RASGRF2: variants seen among roughly 807,000 people sequenced by gnomAD.
RASGRF2 encodes the protein Ras protein specific guanine nucleotide releasing factor 2, also known as ras-specific guanine nucleotide-releasing factor 2.
Under a neutral mutation model 151.0 loss-of-function variants are expected in RASGRF2, and 76 were observed. The ratio of observed to expected loss-of-function variants is 0.50; its 90% confidence interval spans 0.42 to 0.61. RASGRF2 has a LOEUF of 0.61. RASGRF2 is among the 20% of genes least tolerant of loss of function. The pLI is 0.00. For synonymous variants in RASGRF2, 504 were observed against 566.5 expected (o/e 0.89, Z 1.57); for missense variants, 1,148 against 1,564.6 (o/e 0.73, Z 4.49).
intron 18 of RASGRF2, among the ~76,000 whole-genome samples, chr5:81,201,064 G>C (rs1383182366): frequency 6.6e-6 from 1 of 152,104 alleles, no homozygotes; most frequent in Non-Finnish European, 1.5e-5. Context: ...CCCAATGGCT[G>C]TTCCTAGAGG....
At position 81,034,812 on chromosome 5, in the gene RASGRF2, G is replaced by GGC. The variant is rs1554087641; in HGVS notation, c.289-8064_289-8063insCG. Among the ~76,000 whole-genome samples, 29 of 131,208 alleles carry GGC rather than the reference G, an allele frequency of 2.2e-4. 3 individuals carry two copies. In the South Asian group the frequency reaches 7.0e-3, roughly 32 times the overall value. 86.1% of individuals were successfully genotyped at this position (131,208 alleles called of 152,430 possible). A position where few individuals can be genotyped will look rare whatever the true frequency, so the allele number is the denominator to read the frequency against. ...TGGGGACTGTTGTGGGGTGGGAGGG[G>GGC]GGTAGGGATAGCATTGGGAGATATA... On this transcript the variant is annotated intron_variant, in intron 1 of 26. Transcript: ENST00000265080.
Position 81,225,786 on chromosome 5 carries a change from C to G in RASGRF2, c.*16C>G. ...CCCTGCTTGAAGATCTGGCCTTGCC[C>G]CTGAGTCCACGGGATGTTCATGGAA... is the stretch of plus-strand genomic sequence containing the variant. On this transcript the variant is annotated 3_prime_UTR_variant, in exon 27 of 27. Coordinates refer to ENST00000265080, the MANE Select transcript of RASGRF2 (RefSeq NM_006909.3). 1 of 1,609,344 alleles carries G rather than the reference C, an allele frequency of 6.2e-7. No homozygotes were observed. The highest frequency in any genetic ancestry group is 8.5e-7 in the Non-Finnish European group (1 of 1,178,886).
intron 1 of RASGRF2, among the ~76,000 whole-genome samples, chr5:80,978,874 A>G (rs780581026): frequency 3.3e-5 from 5 of 152,372 alleles, no homozygotes; most frequent in Non-Finnish European, 7.3e-5. Flanking sequence ...TGAATATTAC[A>G]TTGTGAACAT....
At chr5:81,026,887 A>C (rs1247075148) in intron 1 of RASGRF2, among the ~76,000 whole-genome samples, 1 of 152,242 alleles carries the variant, frequency 6.6e-6, no homozygotes, top group Non-Finnish European at 1.5e-5. Flanking sequence ...GACAGGTCAA[A>C]GTCAACCAGC....
At chr5:81,220,184 C>T (rs1015922473) in intron 26 of RASGRF2, among the ~76,000 whole-genome samples, 10 of 152,200 alleles carry the variant, frequency 6.6e-5, no homozygotes, top group African/African-American at 1.4e-4. Context: ...TCCCGTTGGT[C>T]TTAGGATTAA....
chr5:80,990,062 A>G (rs904822234), intron 1 of RASGRF2, among the ~76,000 whole-genome samples: 4 of 152,120 alleles, frequency 2.6e-5, no homozygotes, highest in African/African-American at 7.2e-5. Context: ...GGCTTTGTGT[A>G]TAAAGGCTGC....
At chr5:80,962,686 T>C (rs149745342) in intron 1 of RASGRF2, among the ~76,000 whole-genome samples, 1 of 152,122 alleles carries the variant, frequency 6.6e-6, no homozygotes, top group Admixed American at 6.6e-5. Flanking sequence ...GCTAATGTTA[T>C]ATGGAAACCA....
chr5:81,137,931 T>C (rs1753792022), intron 17 of RASGRF2, among the ~76,000 whole-genome samples: 1 of 152,238 alleles, frequency 6.6e-6, no homozygotes, highest in Admixed American at 6.5e-5. Context: ...TAATAGAGAC[T>C]GAGAATGATA....
intron 1 of RASGRF2, among the ~76,000 whole-genome samples, chr5:81,031,782 C>CA: frequency 6.6e-6 from 1 of 151,764 alleles, no homozygotes; most frequent in Admixed American, 6.6e-5. Flanking sequence ...CAGCAGAAGG[C>CA]AAAAAATAAC....
intron 25 of RASGRF2, among the ~76,000 whole-genome samples, chr5:81,218,822 ATCCATGAGCATGGGATGTGT>A (rs1442233162): frequency 6.6e-6 from 1 of 152,206 alleles, no homozygotes; most frequent in Non-Finnish European, 1.5e-5. Flanking sequence ...GATTCTACCC[ATCCATGAGCATGGGATGTGT>A]TTCCATTTGT....
chr5:81,059,344 A>G (rs1173584903), intron 2 of RASGRF2, among the ~76,000 whole-genome samples: 5 of 147,452 alleles, frequency 3.4e-5, no homozygotes, highest in Non-Finnish European at 7.4e-5. Context: ...ATATCGCACC[A>G]CTGCACTCCA....
At chr5:81,087,941 A>T (rs1752287070) in intron 9 of RASGRF2, 1 of 152,360 alleles carries the variant, frequency 6.6e-6, no homozygotes, top group Admixed American at 6.5e-5. Context: ...TAATTTTTGC[A>T]CAGACTACTT....
intron 24 of RASGRF2, chr5:81,216,872 T>C (rs1330589194): frequency 2.5e-6 from 1 of 405,206 alleles, no homozygotes; most frequent in Non-Finnish European, 5.0e-6. Flanking sequence ...TGATGTTAAG[T>C]CTACACTTTC....
chr5:81,129,335 T>C (rs1480303950), intron 17 of RASGRF2, among the ~76,000 whole-genome samples: 4 of 152,132 alleles, frequency 2.6e-5, no homozygotes, highest in Admixed American at 2.6e-4. Context: ...ATATTCACAA[T>C]AGTAACTAGT....
intron 1 of RASGRF2, among the ~76,000 whole-genome samples, chr5:81,024,947 C>T (rs912861391): frequency 1.3e-5 from 2 of 152,350 alleles, no homozygotes. Flanking sequence ...GGTCTCCTCA[C>T]CAGCTTCCTG....
At chr5:81,060,075 A>G (rs55727953) in intron 2 of RASGRF2, among the ~76,000 whole-genome samples, 27,721 of 152,116 alleles carry the variant, frequency 0.18, 2,664 homozygotes, top group Admixed American at 0.27. Context: ...ACATTTTTAA[A>G]CAATCAGATC....
rs766140285 is a variant in RASGRF2 at position 80,960,733 on chromosome 5, C to T, written c.-6C>T. 1 of 1,561,422 alleles carries T rather than the reference C, an allele frequency of 6.4e-7. No individual in the cohort carries two copies. Among genetic ancestry groups the T allele is most frequent in the East Asian group, 2.3e-5 (1 of 42,802 alleles). ...CGGCCACCCGTGAGCCCTCCGCACC[C>T]GCACCATGCAGAAGAGCGTGCGCTA... On this transcript the variant is annotated 5_prime_UTR_variant, in exon 1 of 27. Coordinates refer to ENST00000265080, the MANE Select transcript of RASGRF2 (RefSeq NM_006909.3). This position sits in a 1 kb window ranked among gnomAD's most constrained non-coding sequence, Gnocchi z 5.5.
At position 81,207,804 on chromosome 5, in the gene RASGRF2, C is replaced by T. The variant is rs576400311; in HGVS notation, c.3071+455C>T. 4.6e-5 allele frequency among the ~76,000 whole-genome samples: 7 copies of T among 152,306 alleles called. No individual in the cohort carries two copies. The South Asian group carries it at 8.3e-4, about 18-fold the overall frequency. On this transcript the variant is annotated intron_variant, in intron 21 of 26. Transcript: ENST00000265080. ...ACATGCGGTACAAGCCTAAAAGGAG[C>T]GCTTTTCAGCCCTGACCACCTGCGC...
At chr5:81,067,961 A>G in intron 2 of RASGRF2, 71 bp from the exon 3 acceptor site, 1 of 1,282,740 alleles carries the variant, frequency 7.8e-7, no homozygotes, top group East Asian at 2.5e-5. Context: ...AATGTAGCAT[A>G]TTATATTCTA....
Sources: allele counts gnomAD v4.1 joint callset (sites outside exome capture counted in the v4.1 genomes callset), GRCh38; gene constraint gnomAD v4.1.1; non-coding constraint Gnocchi (gnomAD v3.1); transcripts MANE v1.5; gene names NCBI Gene and HGNC (gene_info 2026-07-23, HGNC 2026-07-21).